The following ZNF773 variants were observed in gnomAD, a reference collection of about 807,000 sequenced individuals.
ZNF773 encodes zinc finger protein 419B.
Under a neutral mutation model 12.8 loss-of-function variants are expected in ZNF773, and 11 were observed. The ratio of observed to expected loss-of-function variants is 0.86; its 90% CI spans 0.54 to 1.42. ZNF773 has a LOEUF of 1.42. Among genes scored for constraint, ZNF773 ranks in the 40% most tolerant of loss-of-function variants. The pLI is 0.00. For missense variants in ZNF773, 518 were observed against 527.2 expected (o/e 0.98, Z 0.17); for synonymous variants, 175 against 178.4 (o/e 0.98, Z 0.15).
At chr19:57,511,012 C>A (rs1296641968), downstream of ZNF773, among the ~76,000 whole-genome samples, 1 of 150,908 alleles carries the variant, frequency 6.6e-6, no homozygotes, top group Non-Finnish European at 1.5e-5. Context: ...AGGGCCTGGA[C>A]TAATTGCCAA....
At chr19:57,508,587 A>G (rs756723775), downstream of ZNF773, 85 of 698,596 alleles carry the variant, frequency 1.2e-4, no homozygotes, top group Middle Eastern at 5.4e-4. Context: ...AAATGTTTCA[A>G]ATTTTAAGAA....
At chr19:57,506,243 C>G (rs2089731526) in intron 3 of ZNF773, 115 bp from the exon 4 acceptor site, 9 of 1,496,166 alleles carry the variant, frequency 6.0e-6, no homozygotes, top group Non-Finnish European at 7.1e-6. Context: ...CGCTAGCCCC[C>G]TCATTCTGCA....
At chr19:57,505,606 C>T (rs2089721068) in intron 3 of ZNF773, among the ~76,000 whole-genome samples, 1 of 152,138 alleles carries the variant, frequency 6.6e-6, no homozygotes, top group Non-Finnish European at 1.5e-5. Flanking sequence ...CCATGTTTCA[C>T]CCCATCCTCA....
intron 1 of ZNF773, among the ~76,000 whole-genome samples, chr19:57,502,440 G>C (rs1157687618): frequency 6.6e-6 from 1 of 152,136 alleles, no homozygotes; most frequent in African/African-American, 2.4e-5. Context: ...TGAGGAGCTG[G>C]GCCTCTATTG....
downstream of ZNF773, chr19:57,516,638 A>G (rs2089833841): frequency 6.6e-6 from 1 of 152,218 alleles, no homozygotes; most frequent in African/African-American, 2.4e-5. Flanking sequence ...TTATGTACCT[A>G]TTAGGCCTTA....
downstream of ZNF773, chr19:57,515,555 T>TA (rs1157935103): frequency 6.6e-6 from 1 of 152,214 alleles, no homozygotes; most frequent in Non-Finnish European, 1.5e-5. Context: ...TACAGACACT[T>TA]ACTCCCATAT....
At chr19:57,501,394 T>C (rs1197176364) in intron 1 of ZNF773, among the ~76,000 whole-genome samples, 2 of 152,048 alleles carry the variant, frequency 1.3e-5, no homozygotes, top group East Asian at 3.9e-4. Flanking sequence ...AACCCACATT[T>C]TGAAAACCTA....
chr19:57,511,070 G>A (rs1471768109), downstream of ZNF773, among the ~76,000 whole-genome samples: 1 of 90,376 alleles, frequency 1.1e-5, no homozygotes, highest in African/African-American at 4.6e-5. Context: ...TTTTTTTTTT[G>A]AGACGGAGTT....
chr19:57,500,026 G>A lies in ZNF773; in HGVS notation c.-55G>A. 1 of 1,537,046 alleles carries A rather than the reference G, an allele frequency of 6.5e-7. No homozygotes were observed. ...GGCGGGTCTGAGGCTCGGTGGCGGC[G>A]CCCAGGGTGGCCCGGGCCCTTTCCT... On this transcript the variant is annotated 5_prime_UTR_variant, in exon 1 of 4. Transcript: ENST00000282292.
downstream of ZNF773, among the ~76,000 whole-genome samples, chr19:57,511,461 A>G (rs1468710273): frequency 4.6e-5 from 7 of 152,222 alleles, no homozygotes; most frequent in Non-Finnish European, 1.0e-4. Context: ...ATAGAGATGA[A>G]CAGAAGAGAA....
chr19:57,514,011 G>A (rs951814712), downstream of ZNF773: 7 of 152,226 alleles, frequency 4.6e-5, no homozygotes, highest in Non-Finnish European at 1.0e-4. Context: ...TTTGCCCCAA[G>A]GCGTGCTTAA....
At chr19:57,514,983 C>A (rs2089822947), downstream of ZNF773, 1 of 152,208 alleles carries the variant, frequency 6.6e-6, no homozygotes, top group South Asian at 2.1e-4. Context: ...CCTAAGCATA[C>A]TGAAACAATA....
chr19:57,512,990 C>T, downstream of ZNF773: 1 of 1,526,964 alleles, frequency 6.5e-7, no homozygotes, highest in Non-Finnish European at 8.8e-7. Context: ...ATCTTTTTGT[C>T]TTCATTTCTG....
rs766788581 is a variant in ZNF773 at position 57,506,662 on chromosome 19, G to A, written c.567G>A (p.Arg189=). 4 of 1,614,112 alleles carry A rather than the reference G, an allele frequency of 2.5e-6. No individual in the cohort carries two copies. Among genetic ancestry groups the A allele is most frequent in the South Asian group, 2.2e-5 (2 of 91,090 alleles). ...GGGAGGCCTTTCATGCTGGAAAAAG[G>A]CATTACAAATGCAGTGAATGTGGGA... ...KSREAFHAGK[R]HYKCSECGKA... is the part of the protein sequence containing the mutation. Residue 189 remains arginine (R), a synonymous_variant, in exon 4 of 4, where the codon AGG becomes AGA. Coordinates refer to ENST00000282292, the MANE Select transcript of ZNF773 (RefSeq NM_198542.3).
intron 1 of ZNF773, among the ~76,000 whole-genome samples, chr19:57,504,380 G>C (rs1225405259): frequency 6.6e-6 from 1 of 152,272 alleles, no homozygotes; most frequent in Non-Finnish European, 1.5e-5. Context: ...GATTGTATTT[G>C]GGAAACACAA....
chr19:57,512,400 AT>A (rs747914066), downstream of ZNF773, among the ~76,000 whole-genome samples: 1,317 of 113,250 alleles, frequency 0.012, 11 homozygotes, highest in African/African-American at 0.038. Context: ...AAGATGCAGT[AT>A]TTTTTTTTTT....
chr19:57,504,928 G>C (rs1320291033), intron 2 of ZNF773, 142 bp downstream of exon 2: 1 of 1,272,714 alleles, frequency 7.9e-7, no homozygotes, highest in Non-Finnish European at 1.1e-6. Context: ...ATTGTAATAG[G>C]CCTGGGCTGT....
At position 57,507,954 on chromosome 19, in the gene ZNF773, C is replaced by G. The variant is rs912161988; in HGVS notation, c.*530C>G. On this transcript the variant is annotated 3_prime_UTR_variant, in exon 4 of 4. Coordinates refer to ENST00000282292, the MANE Select transcript of ZNF773 (RefSeq NM_198542.3). The stretch of plus-strand genomic sequence containing the variant: ...CGCCACTGCACTCCAGACTGGGTGA[C>G]AGAGTGAGACTCTGTCTAAAAAAAA... 6.6e-6 allele frequency: 1 copy of G among 150,900 alleles called. No homozygotes were observed. Among genetic ancestry groups the G allele is most frequent in the African/African-American group, 2.7e-5 (1 of 36,428 alleles). The allele number at this position is 150,900 out of a possible 1,614,324, so 9.3% of individuals were successfully genotyped here.
At chr19:57,514,552 C>G (rs1185253149), downstream of ZNF773, 1 of 152,216 alleles carries the variant, frequency 6.6e-6, no homozygotes, top group Admixed American at 6.5e-5. Context: ...ATTCTTCCTA[C>G]CTCCCATTCT....
Sources: gnomAD v4.1 joint callset for allele counts (sites outside exome capture counted in the v4.1 genomes callset) on GRCh38, gnomAD v4.1.1 for gene constraint, MANE v1.5 for transcripts, NCBI Gene and HGNC (gene_info 2026-07-23, HGNC 2026-07-21) for gene names.